Variants in SGCD observed in about 807,000 individuals in gnomAD.
The protein encoded by SGCD is sarcoglycan delta.
A neutral mutation model predicts 36.6 loss-of-function variants in SGCD; 18 were observed. The observed-to-expected ratio is 0.49, with a 90% confidence interval of 0.34 to 0.73. The LOEUF (loss-of-function observed/expected upper bound fraction) is 0.73, where lower values mean the gene tolerates loss of function less well. Ranked by LOEUF, SGCD falls within the 30% of genes least tolerant of loss-of-function variation. SGCD has a pLI of 0.01. For missense variants in SGCD, 387 were observed against 346.7 expected, an observed-to-expected ratio of 1.12 and a Z score of -0.92; for synonymous variants, 133 against 130.6, an observed-to-expected ratio of 1.02 and a Z score of -0.12.
intron 1 of SGCD, among the ~76,000 whole-genome samples, chr5:155,939,670 G>A (rs951078904): frequency 1.3e-5 from 2 of 149,214 alleles, no homozygotes; most frequent in African/African-American, 4.9e-5. Flanking sequence ...TAATAATAAT[G>A]AAAAAAATCT....
intron 7 of SGCD, among the ~76,000 whole-genome samples, chr5:156,674,308 T>A (rs1753422391): frequency 6.6e-6 from 1 of 152,156 alleles, no homozygotes; most frequent in Non-Finnish European, 1.5e-5. Context: ...TTACATATAA[T>A]CCCATAGCGT....
chr5:156,535,461 A>G (rs1038694186), intron 4 of SGCD, among the ~76,000 whole-genome samples: 2 of 152,226 alleles, frequency 1.3e-5, no homozygotes, highest in African/African-American at 2.4e-5. Context: ...ATGAGATTCC[A>G]TGTTGAAACT....
intron 3 of SGCD, among the ~76,000 whole-genome samples, chr5:156,421,828 G>A (rs1364647780): frequency 3.3e-5 from 5 of 152,028 alleles, no homozygotes; most frequent in Admixed American, 2.6e-4. Context: ...CTCTGGTTTA[G>A]GGATAAGTCC....
chr5:156,693,375 G>A (rs1754189483), intron 7 of SGCD, among the ~76,000 whole-genome samples: 1 of 152,104 alleles, frequency 6.6e-6, no homozygotes, highest in Non-Finnish European at 1.5e-5. Context: ...TGCTCTGACT[G>A]CCTATAGAGA....
At chr5:156,072,040 G>C (rs1213662064) in intron 1 of SGCD, among the ~76,000 whole-genome samples, 1 of 152,038 alleles carries the variant, frequency 6.6e-6, no homozygotes, top group Non-Finnish European at 1.5e-5. Flanking sequence ...ACGTGAGATG[G>C]GTTTCCTCAA....
chr5:156,201,561 T>G (rs11747910), intron 3 of SGCD, among the ~76,000 whole-genome samples: 46,926 of 151,906 alleles, frequency 0.31, 7,722 homozygotes, highest in East Asian at 0.6. Flanking sequence ...TTATGGCAAA[T>G]TTGCCAACAT....
At chr5:156,677,646 C>T (rs550709938) in intron 7 of SGCD, among the ~76,000 whole-genome samples, 1 of 151,984 alleles carries the variant, frequency 6.6e-6, no homozygotes, top group East Asian at 1.9e-4. Context: ...ATGTAACAAA[C>T]CTGCACATTG....
At chr5:155,934,878 G>T (rs924482098) in intron 1 of SGCD, among the ~76,000 whole-genome samples, 1 of 152,198 alleles carries the variant, frequency 6.6e-6, no homozygotes. Context: ...ACGAAGTTGG[G>T]ACATGGAGGA....
the SGCD span, among the ~76,000 whole-genome samples, chr5:155,841,010 CAAAAAA>C: frequency 1.6e-5 from 1 of 61,080 alleles, no homozygotes; most frequent in Non-Finnish European, 2.7e-5. Context: ...GACTCCATCT[CAAAAAA>C]AAAAAAAAAA....
rs147666375 is a variant in SGCD, at chr5:156,567,791, TAATC to T, written c.295-21439_295-21436del. Among the ~76,000 whole-genome samples the T allele has an allele frequency of 9.5e-3, 1,445 of 152,280 alleles. 23 individuals are homozygous for T. The highest frequency in any genetic ancestry group is 0.033 in the East Asian group (172 of 5,184). On this transcript the variant is annotated intron_variant, in intron 4 of 8. Transcript: ENST00000337851. Reference sequence around the variant, plus strand: ...AGACTCCTGCATATTAAAAATATAATAATCTCCAAAAAAGTTGAACAAAGCAACC... The same window carrying T: ...AGACTCCTGCATATTAAAAATATAATTCCAAAAAAGTTGAACAAAGCAACC...
chr5:156,541,529 A>G (rs1279065142), intron 4 of SGCD, among the ~76,000 whole-genome samples: 1 of 152,168 alleles, frequency 6.6e-6, no homozygotes, highest in Non-Finnish European at 1.5e-5. Flanking sequence ...AAGGAAACCA[A>G]GGGAAGAATA....
chr5:156,543,765 A>G (rs1758448483), intron 4 of SGCD, among the ~76,000 whole-genome samples: 1 of 152,226 alleles, frequency 6.6e-6, no homozygotes, highest in Non-Finnish European at 1.5e-5. Flanking sequence ...CCAAGACTGC[A>G]GTTTCAGAAA....
chr5:156,714,111 G>T (rs1247093719), intron 7 of SGCD, among the ~76,000 whole-genome samples: 1 of 152,256 alleles, frequency 6.6e-6, no homozygotes, highest in East Asian at 1.9e-4. Context: ...AACTTTATTT[G>T]TAACCCAGAA....
rs79963416 is a variant in SGCD at position 156,416,048 on chromosome 5, A to G, written c.192+71371A>G. On this transcript the variant is annotated intron_variant, in intron 3 of 8. Coordinates refer to ENST00000337851, the MANE Select transcript of SGCD (RefSeq NM_000337.6). Reference sequence around the variant, plus strand: ...CACTGTCTTTCCACAGTTACAGTGAATTCTCTAATAATCATCACTGCACAT... The same window carrying G: ...CACTGTCTTTCCACAGTTACAGTGAGTTCTCTAATAATCATCACTGCACAT... Among the ~76,000 whole-genome samples, 975 of 152,280 alleles carry G rather than the reference A, an allele frequency of 6.4e-3. 11 individuals carry two copies. The highest frequency in any genetic ancestry group is 0.022 in the African/African-American group (914 of 41,546).
chr5:156,703,935 C>CATATACCACTGAGGG (rs1754634038), intron 7 of SGCD: 1 of 152,038 alleles, frequency 6.6e-6, no homozygotes, highest in African/African-American at 2.4e-5. Flanking sequence ...GTTTCATTGT[C>CATATACCACTGAGGG]ATATACCACT....
At chr5:155,967,920 C>T (rs549970667) in intron 1 of SGCD, among the ~76,000 whole-genome samples, 1 of 152,058 alleles carries the variant, frequency 6.6e-6, no homozygotes, top group East Asian at 1.9e-4. Flanking sequence ...ATTTCTATGT[C>T]TCACCTTCTT....
At chr5:156,556,161 G>A (rs1181344303) in intron 4 of SGCD, among the ~76,000 whole-genome samples, 1 of 149,746 alleles carries the variant, frequency 6.7e-6, no homozygotes, top group African/African-American at 2.5e-5. Flanking sequence ...TACGCTCAGA[G>A]TCAGTCTTTA....
chr5:156,491,870 A>G (rs1200557078), intron 3 of SGCD, among the ~76,000 whole-genome samples: 3 of 152,092 alleles, frequency 2.0e-5, no homozygotes, highest in African/African-American at 7.2e-5. Context: ...TCATTTTTAT[A>G]TAGCCACGTT....
chr5:155,727,921 GA>G, the SGCD span, among the ~76,000 whole-genome samples: 1 of 152,198 alleles, frequency 6.6e-6, no homozygotes, highest in Non-Finnish European at 1.5e-5. Flanking sequence ...GGGGCTCAAG[GA>G]TACTAGAAAC....
Sources: allele counts gnomAD v4.1 joint callset (sites outside exome capture counted in the v4.1 genomes callset), GRCh38; gene constraint gnomAD v4.1.1; transcripts MANE v1.5; gene names NCBI Gene and HGNC (gene_info 2026-07-23, HGNC 2026-07-21).